Variants in CEP126 observed in about 807,000 individuals in gnomAD.
CEP126 encodes centrosomal protein 126.
CEP126 carries 74 observed loss-of-function variants against 107.8 expected under a neutral mutation model. The observed-to-expected ratio is 0.69, with a 90% CI of 0.57 to 0.83. The LOEUF is 0.83. CEP126 is among the 40% of genes least tolerant of loss of function. The pLI, the probability that CEP126 is intolerant of heterozygous loss-of-function variation, is 0.00. For missense variants in CEP126, 1,237 were observed against 1,281.9 expected, an observed-to-expected ratio of 0.96 and a Z score of 0.53; for synonymous variants, 449 against 446.0, an observed-to-expected ratio of 1.01 and a Z score of -0.08.
Position 101,963,273 on chromosome 11 carries a change from A to C in CEP126, c.2238A>C (p.Gln746His). The change falls in exon 6 of 11, where the codon CAA (glutamine) becomes CAC (histidine). Residue 746 changes from glutamine to histidine, a missense_variant. By Grantham distance (24) the Gln-to-His change is conservative. This residue lies in a region of CEP126 where 1,134 missense variants were observed against 1,150.5 expected (regional missense o/e 0.99). Coordinates refer to ENST00000263468, the MANE Select transcript of CEP126 (RefSeq NM_020802.4). ...TACATGATGATTCTAAAACTAAGCA[A>C]GGTAAGCCACAAAGAGGTAGAGCAA... is the stretch of plus-strand genomic sequence containing the variant. ...IPVHDDSKTK[Q>H]GKPQRGRAKI... The C allele has an allele frequency of 1.9e-6, 3 of 1,614,094 alleles. No individual in the cohort carries two copies. Among genetic ancestry groups the C allele is most frequent in the Non-Finnish European group, 2.5e-6 (3 of 1,180,022 alleles).
intron 4 of CEP126, among the ~76,000 whole-genome samples, chr11:101,948,752 A>T (rs1237326926): frequency 6.6e-6 from 1 of 152,212 alleles, no homozygotes; most frequent in Non-Finnish European, 1.5e-5. Context: ...GGAGAAGTAT[A>T]TACTATTGTA....
chr11:101,994,921 A>T (rs1284937522), intron 10 of CEP126, among the ~76,000 whole-genome samples: 2 of 151,648 alleles, frequency 1.3e-5, no homozygotes, highest in Non-Finnish European at 2.9e-5. Flanking sequence ...CATGTGCAGA[A>T]CATGCAGGTT....
chr11:101,972,201 C>T (rs962093386), intron 6 of CEP126, among the ~76,000 whole-genome samples: 5 of 151,032 alleles, frequency 3.3e-5, no homozygotes, highest in Admixed American at 6.6e-5. Flanking sequence ...CCGAGGCGGG[C>T]GGATCACGAG....
intron 8 of CEP126, among the ~76,000 whole-genome samples, chr11:101,983,342 G>C (rs1941278191): frequency 6.6e-6 from 1 of 152,166 alleles, no homozygotes; most frequent in African/African-American, 2.4e-5. Flanking sequence ...AGGATAAACT[G>C]TTGAAGTTCT....
intron 4 of CEP126, among the ~76,000 whole-genome samples, chr11:101,957,155 T>G (rs1940910514): frequency 6.6e-6 from 1 of 152,190 alleles, no homozygotes; most frequent in Non-Finnish European, 1.5e-5. Context: ...TAGTAATCAT[T>G]GACCTTGACT....
chr11:101,967,816 G>C (rs1003177024), intron 6 of CEP126, among the ~76,000 whole-genome samples: 1 of 152,144 alleles, frequency 6.6e-6, no homozygotes, highest in Admixed American at 6.5e-5. Flanking sequence ...AGCAGAAATG[G>C]TAATGACAAA....
At chr11:101,981,782 T>G (rs1242569282) in intron 7 of CEP126, 107 bp from the exon 8 acceptor site, 2 of 616,246 alleles carry the variant, frequency 3.2e-6, no homozygotes, top group Non-Finnish European at 5.7e-6. Flanking sequence ...CATGAACAAT[T>G]GTAGCTAAAA....
intron 9 of CEP126, among the ~76,000 whole-genome samples, chr11:101,991,168 C>T (rs1198664497): frequency 6.6e-6 from 1 of 151,972 alleles, no homozygotes; most frequent in South Asian, 2.1e-4. Flanking sequence ...CGGAGGGAGA[C>T]CCTGTCTCAA....
chr11:101,956,374 G>A (rs182806295), intron 4 of CEP126: 99 of 455,990 alleles, frequency 2.2e-4, no homozygotes, highest in Non-Finnish European at 3.8e-4. Flanking sequence ...ATGTCACTCC[G>A]TTGCCTGCAC....
At chr11:101,992,558 T>A (rs1941397818) in intron 9 of CEP126, among the ~76,000 whole-genome samples, 2 of 152,168 alleles carry the variant, frequency 1.3e-5, no homozygotes, top group Non-Finnish European at 2.9e-5. Context: ...GAATTATCTT[T>A]TATCAACATA....
intron 9 of CEP126, among the ~76,000 whole-genome samples, chr11:101,990,930 A>G (rs1313468085): frequency 1.3e-5 from 2 of 152,066 alleles, no homozygotes; most frequent in East Asian, 3.9e-4. Flanking sequence ...AAACCCACTC[A>G]GGGAGGCTGA....
intron 3 of CEP126, among the ~76,000 whole-genome samples, 154 bp downstream of exon 3, chr11:101,944,564 G>T (rs147603102): frequency 0.011 from 1,715 of 152,224 alleles, 88 homozygotes; most frequent in Admixed American, 0.076. Context: ...AAGAAAAATA[G>T]TCAATTGATT....
chr11:101,925,846 G>A (rs540366885), intron 2 of CEP126, among the ~76,000 whole-genome samples: 34 of 145,646 alleles, frequency 2.3e-4, no homozygotes, highest in African/African-American at 8.2e-4. Context: ...GTAAAGACGG[G>A]GTTTCGCCAC....
chr11:101,982,843 C>A (rs908088973), intron 8 of CEP126, among the ~76,000 whole-genome samples: 1 of 152,118 alleles, frequency 6.6e-6, no homozygotes, highest in African/African-American at 2.4e-5. Context: ...CATGATACCA[C>A]AAATGGAAAA....
chr11:101,923,672 GTTTCTGC>G (rs1565348980), intron 2 of CEP126, among the ~76,000 whole-genome samples: 2 of 152,116 alleles, frequency 1.3e-5, no homozygotes, highest in Admixed American at 6.6e-5. Context: ...GTATGCATAG[GTTTCTGC>G]TTTTCTCCTA....
chr11:101,932,143 A>C (rs12272470), intron 2 of CEP126, among the ~76,000 whole-genome samples: 2,500 of 152,326 alleles, frequency 0.016, 81 homozygotes, highest in African/African-American at 0.057. Flanking sequence ...ATTTCCTTCT[A>C]TTCTCACAGC....
intron 6 of CEP126, among the ~76,000 whole-genome samples, chr11:101,972,835 T>A (rs967021817): frequency 1.3e-5 from 2 of 152,164 alleles, no homozygotes; most frequent in East Asian, 3.9e-4. Context: ...ATTCCATGAT[T>A]TTCTTTATAA....
At chr11:101,961,656 G>T (rs1940970275) in intron 5 of CEP126, 85 bp from the exon 6 acceptor site, 3 of 687,450 alleles carry the variant, frequency 4.4e-6, no homozygotes, top group Admixed American at 6.2e-5. Flanking sequence ...AGGAGAATTG[G>T]GCTCAGTAAC....
At chr11:101,958,078 CG>C (rs1940922953) in intron 4 of CEP126, 89 bp from the exon 5 acceptor site, 2 of 1,037,936 alleles carry the variant, frequency 1.9e-6, no homozygotes, top group Admixed American at 4.3e-5. Context: ...CAAACACACA[CG>C]TATTACACCT....
Sources: gnomAD v4.1 joint callset for allele counts (sites outside exome capture counted in the v4.1 genomes callset) on GRCh38, gnomAD v4.1.1 for gene constraint, gnomAD v4.1.1 regional missense constraint, MANE v1.5 for transcripts, NCBI Gene and HGNC (gene_info 2026-07-23, HGNC 2026-07-21) for gene names.